The following TNFRSF11A variants were observed in gnomAD, a reference collection of about 807,000 sequenced individuals.
TNFRSF11A encodes TNF receptor superfamily member 11a.
In TNFRSF11A, 32 loss-of-function variants were observed where a neutral mutation model predicts 55.7. The observed-to-expected ratio is 0.57, with a 90% CI of 0.43 to 0.77. The LOEUF is 0.77. TNFRSF11A is among the 30% of genes least tolerant of loss of function. TNFRSF11A has a pLI of 0.00. For synonymous variants in TNFRSF11A, 311 were observed against 331.0 expected (o/e 0.94, Z 0.65); for missense variants, 753 against 809.8 (o/e 0.93, Z 0.85).
chr18:62,367,942 C>T (rs958119555), intron 8 of TNFRSF11A, among the ~76,000 whole-genome samples: 1 of 151,490 alleles, frequency 6.6e-6, no homozygotes, highest in Non-Finnish European at 1.5e-5. Flanking sequence ...TACAGGTGCC[C>T]GCCACCACAC....
chr18:62,366,836 T>C (rs1040193860), intron 8 of TNFRSF11A, 76 bp downstream of exon 8: 3 of 1,452,020 alleles, frequency 2.1e-6, no homozygotes, highest in Non-Finnish European at 9.7e-7. Flanking sequence ...TAGTCACATA[T>C]TGAGCACCCC....
chr18:62,363,785 G>A (rs1909876409), intron 7 of TNFRSF11A, among the ~76,000 whole-genome samples: 2 of 152,228 alleles, frequency 1.3e-5, no homozygotes, highest in African/African-American at 4.8e-5. Context: ...AGATGATGAA[G>A]GTCGCTTGTA....
In TNFRSF11A at chr18:62,361,662, C is replaced by A. The variant is rs769838090; in HGVS notation, c.617-18C>A. 6.9e-6 allele frequency: 11 copies of A among 1,597,802 alleles called. No individual in the cohort carries two copies. Among genetic ancestry groups the A allele is most frequent in the Admixed American group, 1.7e-5 (1 of 59,970 alleles). On this transcript the variant is annotated intron_variant, in intron 6 of 9. Coordinates refer to ENST00000586569, the MANE Select transcript of TNFRSF11A (RefSeq NM_003839.4). Reference sequence around the variant, plus strand: ...AAAGAATCTTTACTACCATATTTCTCATTTTCTTCCAATACAGAACCCCAT... The same window carrying A: ...AAAGAATCTTTACTACCATATTTCTAATTTTCTTCCAATACAGAACCCCAT...
At chr18:62,372,246 A>G (rs1910607071) in intron 9 of TNFRSF11A, among the ~76,000 whole-genome samples, 1 of 152,202 alleles carries the variant, frequency 6.6e-6, no homozygotes, top group Non-Finnish European at 1.5e-5. Context: ...CCATGCCTTA[A>G]TTTAGGTCTG....
chr18:62,380,009 T>TA (rs1911155683), intron 9 of TNFRSF11A, among the ~76,000 whole-genome samples: 1 of 152,220 alleles, frequency 6.6e-6, no homozygotes, highest in Non-Finnish European at 1.5e-5. Context: ...GTAATGCTCC[T>TA]AAGAGTTGCC....
At chr18:62,334,017 C>T (rs1271583206) in intron 1 of TNFRSF11A, among the ~76,000 whole-genome samples, 6 of 152,072 alleles carry the variant, frequency 3.9e-5, no homozygotes, top group African/African-American at 9.7e-5. Context: ...AGGTGCTCGT[C>T]ACCATGCCAG....
Position 62,341,835 on chromosome 18 carries a change from G to GT in TNFRSF11A, c.76-6333_76-6332insT, listed in dbSNP as rs1568475429. 3.5e-3 allele frequency among the ~76,000 whole-genome samples: 239 copies of GT among 68,746 alleles called. 2 individuals carry two copies. The highest frequency in any genetic ancestry group is 0.012 in the African/African-American group (154 of 12,846). The allele number at this position is 68,746 out of a possible 152,430, so 45.1% of individuals were successfully genotyped here. A position where few individuals can be genotyped will look rare whatever the true frequency, so the allele number is the denominator to read the frequency against. On this transcript the variant is annotated intron_variant, in intron 1 of 9. Coordinates refer to ENST00000586569, the MANE Select transcript of TNFRSF11A (RefSeq NM_003839.4). Reference sequence around the variant, plus strand: ...GGTGAGGAGACTCAGGCTGAGAATGGCTTTTTTTTTTTTTTTTTTTTTTGG... The same window carrying GT: ...GGTGAGGAGACTCAGGCTGAGAATGGTCTTTTTTTTTTTTTTTTTTTTTTGG...
intron 3 of TNFRSF11A, among the ~76,000 whole-genome samples, chr18:62,350,973 A>T (rs11664594): frequency 0.64 from 94,603 of 147,294 alleles, 30,033 homozygotes; most frequent in African/African-American, 0.66. Context: ...TTAATGTATT[A>T]TTCTGTCCCT....
chr18:62,325,341 C>G lies in TNFRSF11A; in HGVS notation c.-12C>G. 8.9e-6 allele frequency: 9 copies of G among 1,012,010 alleles called. No homozygotes were observed. Among genetic ancestry groups the G allele is most frequent in the Non-Finnish European group, 1.1e-5 (9 of 849,942 alleles). 62.7% of individuals were successfully genotyped at this position (1,012,010 alleles called of 1,614,324 possible). Reference sequence around the variant, plus strand: ...CGCTGAGGCCGCGGCGCCCGCCAGCCTGTCCCGCGCCATGGCCCCGCGCGC... The same window carrying G: ...CGCTGAGGCCGCGGCGCCCGCCAGCGTGTCCCGCGCCATGGCCCCGCGCGC... On this transcript the variant is annotated 5_prime_UTR_variant, in exon 1 of 10. Transcript: ENST00000586569. This position sits in a 1 kb window ranked among gnomAD's most constrained non-coding sequence, Gnocchi z 4.7.
chr18:62,361,570 T>C, intron 6 of TNFRSF11A, 110 bp from the exon 7 acceptor site: 1 of 1,091,402 alleles, frequency 9.2e-7, no homozygotes, highest in Middle Eastern at 2.0e-4. Context: ...ACTTCTGCTA[T>C]CCCAGACCAA....
At chr18:62,344,390 C>T (rs1350298477) in intron 1 of TNFRSF11A, among the ~76,000 whole-genome samples, 1 of 152,228 alleles carries the variant, frequency 6.6e-6, no homozygotes, top group Non-Finnish European at 1.5e-5. Context: ...ACTCAGTCAT[C>T]AAAGGCTTTT....
intron 3 of TNFRSF11A, among the ~76,000 whole-genome samples, chr18:62,352,624 C>T (rs1568481331): frequency 6.6e-6 from 1 of 152,202 alleles, no homozygotes; most frequent in East Asian, 1.9e-4. Flanking sequence ...TTATTCATCA[C>T]CACCCAGGCT....
At chr18:62,367,854 C>T (rs1265570651) in intron 8 of TNFRSF11A, among the ~76,000 whole-genome samples, 6 of 126,112 alleles carry the variant, frequency 4.8e-5, no homozygotes, top group Admixed American at 3.0e-4. Context: ...AGTGCAATGG[C>T]GCAATCTCGG....
intron 1 of TNFRSF11A, among the ~76,000 whole-genome samples, chr18:62,338,694 T>TGA (rs1212821972): frequency 5.9e-5 from 9 of 152,150 alleles, no homozygotes; most frequent in African/African-American, 2.2e-4. Flanking sequence ...TAGTTAACGG[T>TGA]TACAGAGATT....
At chr18:62,347,470 G>T (rs775286428) in intron 1 of TNFRSF11A, among the ~76,000 whole-genome samples, 1 of 152,180 alleles carries the variant, frequency 6.6e-6, no homozygotes, top group East Asian at 1.9e-4. Flanking sequence ...GAATCATACC[G>T]TTTTGAACCA....
intron 1 of TNFRSF11A, among the ~76,000 whole-genome samples, chr18:62,326,716 T>C (rs1247868858): frequency 6.6e-6 from 1 of 152,206 alleles, no homozygotes; most frequent in African/African-American, 2.4e-5. Flanking sequence ...ATAAGTTTAT[T>C]TTTCAGGGAG....
At chr18:62,384,724 C>G in intron 9 of TNFRSF11A, 27 bp from the exon 10 acceptor site, 1 of 1,607,928 alleles carries the variant, frequency 6.2e-7, no homozygotes, top group East Asian at 2.2e-5. Flanking sequence ...CTCACCCTCC[C>G]CGTGTTCTCC....
At chr18:62,379,479 T>C (rs559226527) in intron 9 of TNFRSF11A, among the ~76,000 whole-genome samples, 1 of 152,214 alleles carries the variant, frequency 6.6e-6, no homozygotes, top group African/African-American at 2.4e-5. Context: ...AGTTTGATAA[T>C]CATGATTATT....
At chr18:62,361,937 C>A (rs1568486406) in intron 7 of TNFRSF11A, 144 bp downstream of exon 7, 1 of 790,192 alleles carries the variant, frequency 1.3e-6, no homozygotes, top group Non-Finnish European at 2.1e-6. Flanking sequence ...CATTCTCTGG[C>A]AAAAAGAAAC....
Sources: gnomAD v4.1 joint callset for allele counts (sites outside exome capture counted in the v4.1 genomes callset) on GRCh38, gnomAD v4.1.1 for gene constraint, Gnocchi (gnomAD v3.1) non-coding constraint, MANE v1.5 for transcripts, NCBI Gene and HGNC (gene_info 2026-07-23, HGNC 2026-07-21) for gene names.